The following VRTN variants were observed in gnomAD, a reference collection of about 807,000 sequenced individuals.
VRTN encodes the protein vertebrae development associated.
A neutral mutation model predicts 18.2 loss-of-function variants in VRTN; 5 were observed. The ratio of observed to expected loss-of-function variants is 0.27; its 90% confidence interval spans 0.14 to 0.58. The LOEUF (loss-of-function observed/expected upper bound fraction) is 0.58. VRTN is among the 20% of genes least tolerant of loss of function. The pLI, the probability that VRTN is intolerant of heterozygous loss-of-function variation, is 0.91. For synonymous variants in VRTN, 381 were observed against 393.7 expected, an observed-to-expected ratio of 0.97 and a Z score of 0.38; for missense variants, 741 against 939.4, an observed-to-expected ratio of 0.79 and a Z score of 2.76.
chr14:74,327,928 C>A (rs2085498071), intron 1 of VRTN, among the ~76,000 whole-genome samples: 1 of 152,032 alleles, frequency 6.6e-6, no homozygotes, highest in South Asian at 2.1e-4. Context: ...ACAATGTTGG[C>A]CGGGCTGGTC....
Position 74,316,500 on chromosome 14 carries a change from G to A in VRTN, c.-164+13324G>A, listed in dbSNP as rs1243356565. On this transcript the variant is annotated intron_variant, in intron 1 of 2. Coordinates refer to the VRTN transcript ENST00000557177. ...TGCACTCCAGCCTGGGCAACAAAGCGAGACATCTCAAACAAACAAACAAAC... is the reference window on the plus strand; with the variant it reads ...TGCACTCCAGCCTGGGCAACAAAGCAAGACATCTCAAACAAACAAACAAAC... Among the ~76,000 whole-genome samples, 4 of 151,720 alleles carry A rather than the reference G, an allele frequency of 2.6e-5. No homozygotes were observed. The East Asian group carries it at 5.9e-4, about 22-fold the overall frequency.
intron 1 of VRTN, among the ~76,000 whole-genome samples, chr14:74,304,838 T>C (rs532982159): frequency 6.8e-4 from 104 of 152,326 alleles, no homozygotes; most frequent in African/African-American, 2.5e-3. Context: ...GTCTTTCTTA[T>C]TTTGAAAACC....
At chr14:74,344,750 A>T (rs78247565), upstream of VRTN, among the ~76,000 whole-genome samples, 3 of 128,054 alleles carry the variant, frequency 2.3e-5, no homozygotes, top group Non-Finnish European at 3.2e-5. Flanking sequence ...AAAAAAAATG[A>T]AAAAAAGAAA....
intron 1 of VRTN, among the ~76,000 whole-genome samples, chr14:74,349,326 T>C (rs546116551): frequency 8.1e-4 from 1 of 1,232 alleles, no homozygotes; most frequent in Admixed American, 0.01. Context: ...GGCGCTCCCT[T>C]AGGCCCTGGC....
chr14:74,352,243 A>G (rs1263326192), intron 1 of VRTN, among the ~76,000 whole-genome samples: 1 of 151,358 alleles, frequency 6.6e-6, no homozygotes, highest in Non-Finnish European at 1.5e-5. Context: ...GCGGTGGGCG[A>G]TCTCGGCTCA....
chr14:74,351,318 T>C (rs2085681925), intron 1 of VRTN, among the ~76,000 whole-genome samples: 1 of 152,122 alleles, frequency 6.6e-6, no homozygotes, highest in Admixed American at 6.6e-5. Context: ...GTTTTCTTTT[T>C]AAAGTAAATA....
chr14:74,307,137 C>T (rs368606329), intron 1 of VRTN, among the ~76,000 whole-genome samples: 6 of 87,750 alleles, frequency 6.8e-5, no homozygotes, highest in Admixed American at 3.1e-4. Flanking sequence ...TGTTGTGGCC[C>T]TTTTTTTTTT....
intron 1 of VRTN, among the ~76,000 whole-genome samples, chr14:74,335,845 A>T (rs1421872222): frequency 2.0e-5 from 3 of 151,268 alleles, no homozygotes; most frequent in African/African-American, 7.3e-5. Context: ...GGTTCAAGCA[A>T]TTCTCCTGCT....
At chr14:74,309,431 C>G (rs2085374476) in intron 1 of VRTN, among the ~76,000 whole-genome samples, 1 of 152,154 alleles carries the variant, frequency 6.6e-6, no homozygotes, top group South Asian at 2.1e-4. Context: ...CCAGTTTTTA[C>G]AAAGCAGCCA....
At chr14:74,346,962 G>A (rs1252385960), upstream of VRTN, among the ~76,000 whole-genome samples, 4 of 152,214 alleles carry the variant, frequency 2.6e-5, no homozygotes, top group Non-Finnish European at 4.4e-5. Flanking sequence ...ACATAGTGTG[G>A]AAAGAAAAGG....
chr14:74,354,849 A>G (rs569031071), intron 1 of VRTN, among the ~76,000 whole-genome samples: 6 of 152,040 alleles, frequency 3.9e-5, no homozygotes, highest in Admixed American at 3.9e-4. Context: ...ATAAAAAATT[A>G]TATTTGTTAG....
intron 1 of VRTN, among the ~76,000 whole-genome samples, chr14:74,333,322 G>T (rs915849411): frequency 2.0e-5 from 3 of 152,084 alleles, no homozygotes; most frequent in Non-Finnish European, 4.4e-5. Context: ...GGCGGAGGTT[G>T]CAGTGAGCCG....
At chr14:74,314,438 C>T (rs572474618) in intron 1 of VRTN, among the ~76,000 whole-genome samples, 1 of 143,088 alleles carries the variant, frequency 7.0e-6, no homozygotes, top group South Asian at 2.2e-4. Flanking sequence ...ACACTGTGGC[C>T]CAGGCTGGAG....
At chr14:74,344,733 T>TAAAAAAAAAAAAAAAAAAAAAAAAAA (rs60479764), upstream of VRTN, among the ~76,000 whole-genome samples, 1 of 54,090 alleles carries the variant, frequency 1.8e-5, no homozygotes. Context: ...AGACTCTGAC[T>TAAAAAAAAAAAAAAAAAAAAAAAAAA]AAAAAAAAAA....
At chr14:74,333,709 G>A (rs1371291151) in intron 1 of VRTN, among the ~76,000 whole-genome samples, 2 of 150,882 alleles carry the variant, frequency 1.3e-5, no homozygotes, top group East Asian at 2.0e-4. Flanking sequence ...GCATGGTGGC[G>A]CATGCCTGTA....
At chr14:74,317,155 C>G (rs1014017484) in intron 1 of VRTN, among the ~76,000 whole-genome samples, 1 of 152,102 alleles carries the variant, frequency 6.6e-6, no homozygotes, top group African/African-American at 2.4e-5. Context: ...AAGGATCACC[C>G]TGGATGCTGC....
rs1271056964 is a variant in VRTN, at chr14:74,356,925, G to C, written c.142G>C (p.Glu48Gln). 1.2e-6 allele frequency: 2 copies of C among 1,614,090 alleles called. No homozygotes were observed. Among genetic ancestry groups the C allele is most frequent in the South Asian group, 2.2e-5 (2 of 91,062 alleles). ...TTCCTTCACTCTCCCCACCTGCCGG[G>C]AGGGAGGCCCTGGCCTCCAGGTGCT... is the stretch of plus-strand genomic sequence containing the variant. ...LSSFTLPTCR[E>Q]GGPGLQVLEV... The change falls in exon 2 of 2, where the codon GAG (glutamate) becomes CAG (glutamine). Residue 48 changes from glutamate (E) to glutamine (Q), a missense_variant. Coordinates refer to ENST00000256362, the MANE Select transcript of VRTN (RefSeq NM_018228.3).
chr14:74,326,852 A>T (rs2085491492), intron 1 of VRTN, among the ~76,000 whole-genome samples: 1 of 152,042 alleles, frequency 6.6e-6, no homozygotes, highest in Non-Finnish European at 1.5e-5. Flanking sequence ...CGTTCCCTGG[A>T]GGTTGAGGGG....
At chr14:74,339,209 G>A (rs537172924) in intron 2 of VRTN, among the ~76,000 whole-genome samples, 80 of 152,232 alleles carry the variant, frequency 5.3e-4, no homozygotes, top group Non-Finnish European at 1.1e-3. Flanking sequence ...TCAGGGCCAA[G>A]TAGTGTTATG....
Sources: gnomAD v4.1 joint callset for allele counts (sites outside exome capture counted in the v4.1 genomes callset) on GRCh38, gnomAD v4.1.1 for gene constraint, MANE v1.5 for transcripts, NCBI Gene and HGNC (gene_info 2026-07-23, HGNC 2026-07-21) for gene names.